The following ASIC2 variants were observed in gnomAD, a reference collection of about 807,000 sequenced individuals.
ASIC2 encodes the protein acid-sensing ion channel 2.
In ASIC2, 25 loss-of-function variants were observed where a neutral mutation model predicts 57.3. The observed-to-expected ratio is 0.44, with a 90% CI of 0.32 to 0.61. The LOEUF (loss-of-function observed/expected upper bound fraction) is 0.61, where lower values mean the gene tolerates loss of function less well. Ranked by LOEUF, ASIC2 falls within the 20% of genes least tolerant of loss-of-function variation. The pLI, the probability that ASIC2 is intolerant of heterozygous loss-of-function variation, is 0.06. For missense variants in ASIC2, 641 were observed against 738.1 expected, an observed-to-expected ratio of 0.87 and a Z score of 1.52; for synonymous variants, 319 against 307.5, an observed-to-expected ratio of 1.04 and a Z score of -0.39.
intron 1 of ASIC2, among the ~76,000 whole-genome samples, chr17:33,716,544 A>C (rs950818782): frequency 2.6e-5 from 4 of 152,308 alleles, no homozygotes; most frequent in Middle Eastern, 3.4e-3. Context: ...CTTGAAATGG[A>C]CTTACTGTCA....
At chr17:33,233,352 TAGG>T (rs989803162) in intron 1 of ASIC2, among the ~76,000 whole-genome samples, 18 of 152,026 alleles carry the variant, frequency 1.2e-4, no homozygotes, top group African/African-American at 4.3e-4. Flanking sequence ...CCTCATGCGC[TAGG>T]AGGTTTTCCC....
chr17:33,370,549 A>C (rs1372337574), intron 1 of ASIC2, among the ~76,000 whole-genome samples: 3 of 152,188 alleles, frequency 2.0e-5, no homozygotes, highest in Non-Finnish European at 2.9e-5. Context: ...AAGGTCTGTT[A>C]CTCAAAGACC....
chr17:33,443,708 G>C (rs1023417412), intron 1 of ASIC2, among the ~76,000 whole-genome samples: 2 of 151,686 alleles, frequency 1.3e-5, no homozygotes, highest in Admixed American at 6.6e-5. Context: ...GAGCCACCGC[G>C]CCCGGCCGGA....
At chr17:33,641,544 C>T (rs1022897438) in intron 1 of ASIC2, among the ~76,000 whole-genome samples, 1 of 152,240 alleles carries the variant, frequency 6.6e-6, no homozygotes, top group Admixed American at 6.5e-5. Flanking sequence ...CTTGAACCAA[C>T]ATTCCAGACT....
chr17:33,118,007 C>G (rs1398915597), intron 1 of ASIC2, among the ~76,000 whole-genome samples: 2 of 152,168 alleles, frequency 1.3e-5, no homozygotes, highest in Non-Finnish European at 2.9e-5. Flanking sequence ...AAGCCTGCTG[C>G]TGGAAGCCCA....
intron 1 of ASIC2, among the ~76,000 whole-genome samples, chr17:33,354,639 T>G (rs1474349056): frequency 4.6e-5 from 7 of 151,902 alleles, no homozygotes; most frequent in African/African-American, 1.7e-4. Flanking sequence ...CCCAGGCTCT[T>G]CCTCTACTGG....
chr17:33,563,527 T>C (rs4795808), intron 1 of ASIC2, among the ~76,000 whole-genome samples: 86,200 of 152,094 alleles, frequency 0.57, 25,594 homozygotes, highest in African/African-American at 0.75. Context: ...CACTAAATGC[T>C]GAAGGTACTC....
chr17:33,863,632 C>T (rs554905740), intron 1 of ASIC2, among the ~76,000 whole-genome samples: 24 of 152,286 alleles, frequency 1.6e-4, no homozygotes, highest in African/African-American at 5.8e-4. Flanking sequence ...CAAGATAATC[C>T]GGGCCACCAT....
chr17:33,852,648 CTGAT>C (rs1013052016), intron 1 of ASIC2, among the ~76,000 whole-genome samples: 1 of 151,622 alleles, frequency 6.6e-6, no homozygotes, highest in African/African-American at 2.4e-5. Flanking sequence ...TGAGGGCTGT[CTGAT>C]TGCAAAGCCA....
chr17:33,581,652 T>G (rs545001201), intron 1 of ASIC2, among the ~76,000 whole-genome samples: 3 of 152,324 alleles, frequency 2.0e-5, no homozygotes, highest in Admixed American at 6.5e-5. Context: ...TTCTGGGTTT[T>G]AAGTTCTCCT....
At position 33,611,962 on chromosome 17, in the gene ASIC2, G is replaced by A. The variant is rs189774771; in HGVS notation, c.556-499895C>T. ...TGGATACCCAGGAGAGCCAATGGTA[G>A]AGCTCTAGTTAGAGTCTGAAGGCCT... On this transcript the variant is annotated intron_variant, in intron 1 of 9. Transcript: ENST00000359872. Among the ~76,000 whole-genome samples the A allele has an allele frequency of 1.1e-4, 17 of 152,330 alleles. No individual in the cohort carries two copies. The East Asian group carries it at 3.3e-3, about 29-fold the overall frequency.
chr17:33,975,093 G>C (rs1226599588), intron 1 of ASIC2, among the ~76,000 whole-genome samples: 2 of 152,194 alleles, frequency 1.3e-5, no homozygotes, highest in Non-Finnish European at 2.9e-5. Flanking sequence ...CACGTGGCAG[G>C]CACTCACTAA....
rs531448800 is a variant in ASIC2 at position 34,118,390 on chromosome 17, G to A, written c.555+37588C>T. On this transcript the variant is annotated intron_variant, in intron 1 of 9. Transcript: ENST00000359872. ...ATTTTCTTTCATGTGTATGTGCTGG[G>A]AGTGGGGTTGGAGGAGACTATTGAT... The A allele has an allele frequency of 2.6e-5, 4 of 152,228 alleles. No individual in the cohort carries two copies. The South Asian group carries it at 8.3e-4, about 32-fold the overall frequency. 9.4% of individuals were successfully genotyped at this position (152,228 alleles called of 1,614,324 possible).
At chr17:33,444,853 C>T (rs150400882) in intron 1 of ASIC2, among the ~76,000 whole-genome samples, 2 of 152,258 alleles carry the variant, frequency 1.3e-5, no homozygotes, top group East Asian at 1.9e-4. Flanking sequence ...TAAAAGTCGA[C>T]GGTTGGCAGG....
chr17:33,942,373 A>G (rs1477658508), intron 1 of ASIC2, among the ~76,000 whole-genome samples: 1 of 152,144 alleles, frequency 6.6e-6, no homozygotes, highest in Non-Finnish European at 1.5e-5. Flanking sequence ...TGTGGAAGTC[A>G]CCTAATGATG....
chr17:33,187,917 AAG>A (rs1157038824), intron 1 of ASIC2, among the ~76,000 whole-genome samples: 1 of 151,376 alleles, frequency 6.6e-6, no homozygotes, highest in East Asian at 1.9e-4. Flanking sequence ...AAAAAAAAAA[AAG>A]AAAAAAAGAA....
chr17:33,819,186 A>T (rs1912677163), intron 1 of ASIC2, among the ~76,000 whole-genome samples: 1 of 152,262 alleles, frequency 6.6e-6, no homozygotes, highest in South Asian at 2.1e-4. Flanking sequence ...AGGCTGGAAC[A>T]GTGCAATGGG....
intron 1 of ASIC2, among the ~76,000 whole-genome samples, chr17:33,309,895 C>T (rs1366662416): frequency 6.8e-6 from 1 of 146,840 alleles, no homozygotes; most frequent in Admixed American, 7.0e-5. Flanking sequence ...GGTGAAGAAG[C>T]TCTTCTATCT....
At chr17:33,989,563 C>T (rs1905938345) in intron 1 of ASIC2, among the ~76,000 whole-genome samples, 1 of 150,428 alleles carries the variant, frequency 6.6e-6, no homozygotes, top group African/African-American at 2.5e-5. Flanking sequence ...CCCAGTGCCA[C>T]ACCCACCACT....
Sources: allele counts gnomAD v4.1 joint callset (sites outside exome capture counted in the v4.1 genomes callset), GRCh38; gene constraint gnomAD v4.1.1; transcripts MANE v1.5; gene names NCBI Gene and HGNC (gene_info 2026-07-23, HGNC 2026-07-21).